The following KCNAB1 variants were observed in gnomAD, a reference collection of about 807,000 sequenced individuals.
KCNAB1 encodes the protein voltage-gated potassium channel subunit beta-1.
In KCNAB1, 35 loss-of-function variants were observed where a neutral mutation model predicts 64.6. That is an observed-to-expected ratio of 0.54 (90% CI 0.41 to 0.72). The LOEUF is 0.72. Ranked by LOEUF, KCNAB1 falls within the 30% of genes least tolerant of loss-of-function variation. The probability of loss-of-function intolerance (pLI) is 0.00; values close to 1 mark genes in which losing one functional copy is unlikely to be tolerated. For missense variants in KCNAB1, 401 were observed against 512.9 expected (o/e 0.78, Z 2.11); for synonymous variants, 177 against 183.8 (o/e 0.96, Z 0.30).
At chr3:156,177,581 G>A (rs1472655190) in intron 1 of KCNAB1, among the ~76,000 whole-genome samples, 1 of 152,002 alleles carries the variant, frequency 6.6e-6, no homozygotes, top group East Asian at 1.9e-4. Flanking sequence ...GTTTCACCGT[G>A]TTAGCCAGGA....
intron 13 of KCNAB1, 110 bp downstream of exon 13, chr3:156,531,607 G>A: frequency 8.3e-6 from 7 of 844,616 alleles, no homozygotes; most frequent in Non-Finnish European, 1.0e-5. Flanking sequence ...GGCAAGAGTA[G>A]GGGGAACAAA....
chr3:156,475,257 G>A (rs1286725679), intron 8 of KCNAB1, among the ~76,000 whole-genome samples: 1 of 152,172 alleles, frequency 6.6e-6, no homozygotes, highest in African/African-American at 2.4e-5. Flanking sequence ...CACCAGCAGG[G>A]ATTCCACAGC....
chr3:156,276,369 G>A (rs1374938578), intron 1 of KCNAB1, among the ~76,000 whole-genome samples: 2 of 152,060 alleles, frequency 1.3e-5, no homozygotes, highest in African/African-American at 2.4e-5. Flanking sequence ...CTAGGGTTTT[G>A]GGATAGTAAA....
At chr3:156,386,970 TTCTTGCTTGCTTGCTTTC>T (rs1292913403) in intron 1 of KCNAB1, among the ~76,000 whole-genome samples, 2 of 151,922 alleles carry the variant, frequency 1.3e-5, no homozygotes, top group Non-Finnish European at 2.9e-5. Context: ...GATTCATTCA[TTCTTGCTTGCTTGCTTTC>T]TCTTGCTTGC....
At chr3:156,264,274 A>G (rs1718579839) in intron 1 of KCNAB1, among the ~76,000 whole-genome samples, 1 of 151,806 alleles carries the variant, frequency 6.6e-6, no homozygotes, top group Admixed American at 6.6e-5. Context: ...TTTTCAACTT[A>G]TATTTTTCGT....
intron 1 of KCNAB1, among the ~76,000 whole-genome samples, chr3:156,220,688 T>C (rs1411203211): frequency 6.6e-6 from 1 of 152,214 alleles, no homozygotes; most frequent in East Asian, 1.9e-4. Flanking sequence ...CTGATGACAG[T>C]TTCTTTTGCT....
At chr3:156,420,264 T>C (rs1715382893) in intron 1 of KCNAB1, among the ~76,000 whole-genome samples, 2 of 152,212 alleles carry the variant, frequency 1.3e-5, no homozygotes, top group Admixed American at 1.3e-4. Context: ...ACGCTACATC[T>C]TCCAAATGAA....
intron 1 of KCNAB1, among the ~76,000 whole-genome samples, chr3:156,368,510 A>T (rs549534047): frequency 9.2e-5 from 14 of 152,272 alleles, no homozygotes; most frequent in African/African-American, 3.1e-4. Context: ...CTGCAGCCTC[A>T]AACTCCTGGG....
intron 1 of KCNAB1, among the ~76,000 whole-genome samples, chr3:156,339,017 T>C (rs1169334269): frequency 6.6e-6 from 1 of 152,084 alleles, no homozygotes; most frequent in Non-Finnish European, 1.5e-5. Context: ...GAAAGGCAAA[T>C]TATATCCAGC....
At chr3:156,340,930 C>T (rs1036082534) in intron 1 of KCNAB1, among the ~76,000 whole-genome samples, 2 of 152,156 alleles carry the variant, frequency 1.3e-5, no homozygotes, top group Non-Finnish European at 2.9e-5. Flanking sequence ...CCCTCAAGAC[C>T]TCCCACCTCT....
chr3:156,221,642 G>A (rs1715745335), intron 1 of KCNAB1, among the ~76,000 whole-genome samples: 1 of 152,076 alleles, frequency 6.6e-6, no homozygotes, highest in Non-Finnish European at 1.5e-5. Flanking sequence ...GCCGGACATG[G>A]TGGTGGGCGC....
intron 1 of KCNAB1, among the ~76,000 whole-genome samples, chr3:156,128,662 C>T (rs1713810592): frequency 1.3e-5 from 2 of 152,154 alleles, no homozygotes. Flanking sequence ...GGCCCAGATC[C>T]CAGGTCTCCT....
intron 1 of KCNAB1, among the ~76,000 whole-genome samples, chr3:156,341,090 A>G (rs970292096): frequency 1.3e-5 from 2 of 152,234 alleles, no homozygotes; most frequent in African/African-American, 4.8e-5. Context: ...GGCAAATTTA[A>G]TTATTTGAAA....
At chr3:156,338,966 A>G (rs915630239) in intron 1 of KCNAB1, among the ~76,000 whole-genome samples, 1 of 152,186 alleles carries the variant, frequency 6.6e-6, no homozygotes, top group African/African-American at 2.4e-5. Context: ...GCTAACACAT[A>G]TCTTTAGAAA....
chr3:156,226,644 T>C (rs4680248), intron 1 of KCNAB1, among the ~76,000 whole-genome samples: 69,408 of 151,986 alleles, frequency 0.46, 17,720 homozygotes, highest in East Asian at 0.8. Flanking sequence ...AAATCACCGC[T>C]AAAGAACTTA....
intron 1 of KCNAB1, among the ~76,000 whole-genome samples, chr3:156,338,902 C>T (rs1357534718): frequency 2.6e-5 from 4 of 152,194 alleles, no homozygotes; most frequent in African/African-American, 9.7e-5. Context: ...TTGGGGTGCT[C>T]CCAGTCACCT....
At chr3:156,400,747 C>T (rs1576819693) in intron 1 of KCNAB1, among the ~76,000 whole-genome samples, 1 of 152,170 alleles carries the variant, frequency 6.6e-6, no homozygotes, top group African/African-American at 2.4e-5. Flanking sequence ...ACGTTGTCCC[C>T]ACTTTTTCAC....
chr3:156,214,733 CA>C (rs1327508960), intron 1 of KCNAB1, among the ~76,000 whole-genome samples: 2 of 152,202 alleles, frequency 1.3e-5, no homozygotes, highest in Non-Finnish European at 1.5e-5. Context: ...AATGATTTAA[CA>C]AGTTTTCACA....
At chr3:156,519,189 CTACT>C (rs1384615547) in intron 11 of KCNAB1, among the ~76,000 whole-genome samples, 2 of 152,218 alleles carry the variant, frequency 1.3e-5, no homozygotes, top group African/African-American at 4.8e-5. Flanking sequence ...ACCATTGTGA[CTACT>C]TAATCTTTTT....
Sources: allele counts gnomAD v4.1 joint callset (sites outside exome capture counted in the v4.1 genomes callset), GRCh38; gene constraint gnomAD v4.1.1; transcripts MANE v1.5; gene names NCBI Gene and HGNC (gene_info 2026-07-23, HGNC 2026-07-21).